GHR: variants seen among roughly 807,000 people sequenced by gnomAD.
GHR encodes the protein GH receptor.
A neutral mutation model predicts 67.1 loss-of-function variants in GHR; 35 were observed. That is an observed-to-expected ratio of 0.52 (90% CI 0.40 to 0.69). The LOEUF (loss-of-function observed/expected upper bound fraction) is 0.69. Among genes scored for constraint, GHR ranks in the 30% least tolerant of loss-of-function variants. GHR has a pLI of 0.00. For synonymous variants in GHR, 272 were observed against 269.1 expected (o/e 1.01, Z -0.10); for missense variants, 792 against 764.6 (o/e 1.04, Z -0.42).
At chr5:42,454,386 T>C (rs906655858) in intron 1 of GHR, among the ~76,000 whole-genome samples, 1 of 152,212 alleles carries the variant, frequency 6.6e-6, no homozygotes, top group Non-Finnish European at 1.5e-5. Flanking sequence ...AGCAATATTA[T>C]TGTCATGAGT....
intron 2 of GHR, among the ~76,000 whole-genome samples, chr5:42,624,179 A>G (rs544403860): frequency 6.6e-6 from 1 of 152,340 alleles, no homozygotes; most frequent in East Asian, 1.9e-4. Context: ...AATGCACGAT[A>G]AAGGCAAAGT....
intron 2 of GHR, among the ~76,000 whole-genome samples, chr5:42,600,734 G>T (rs753924375): frequency 2.0e-5 from 3 of 152,072 alleles, no homozygotes; most frequent in Admixed American, 6.6e-5. Flanking sequence ...AAACTCTTTG[G>T]ACTGATTCAG....
chr5:42,467,932 C>A, intron 1 of GHR: 1 of 727,124 alleles, frequency 1.4e-6, no homozygotes, highest in South Asian at 1.8e-5. Flanking sequence ...GACAGTCATT[C>A]ACTATGACTT....
intron 3 of GHR, chr5:42,647,600 C>T: frequency 2.4e-6 from 1 of 409,500 alleles, no homozygotes; most frequent in Non-Finnish European, 4.8e-6. Flanking sequence ...AGTCAAGGGC[C>T]AAAGTAACAA....
chr5:42,563,624 C>CAAAAAAAAAAAAAAAAAAA (rs1168788232), intron 1 of GHR, among the ~76,000 whole-genome samples: 2 of 45,094 alleles, frequency 4.4e-5, no homozygotes, highest in African/African-American at 1.7e-4. Flanking sequence ...GACTCCGTCT[C>CAAAAAAAAAAAAAAAAAAA]AAAAAAAAAA....
intron 6 of GHR, among the ~76,000 whole-genome samples, chr5:42,708,858 C>A (rs1161985845): frequency 6.6e-6 from 1 of 152,168 alleles, no homozygotes. Context: ...TCTGCTAAAT[C>A]TCGTTAGGTA....
chr5:42,713,023 A>G (rs1218452575), intron 7 of GHR, among the ~76,000 whole-genome samples: 4 of 151,986 alleles, frequency 2.6e-5, no homozygotes, highest in Non-Finnish European at 5.9e-5. Context: ...AAATCACCAC[A>G]CTTAAAAAAA....
chr5:42,431,358 C>T (rs1225309250), intron 1 of GHR, among the ~76,000 whole-genome samples: 1 of 152,024 alleles, frequency 6.6e-6, no homozygotes, highest in African/African-American at 2.4e-5. Flanking sequence ...GTACCAGGTT[C>T]TTCAAAGAAG....
At chr5:42,442,236 G>C (rs1302226509) in intron 1 of GHR, among the ~76,000 whole-genome samples, 1 of 152,162 alleles carries the variant, frequency 6.6e-6, no homozygotes, top group African/African-American at 2.4e-5. Context: ...AATATGAAAG[G>C]GAATAAATGA....
intron 2 of GHR, among the ~76,000 whole-genome samples, chr5:42,586,927 G>GTATCA (rs1255422227): frequency 6.6e-6 from 1 of 152,010 alleles, no homozygotes; most frequent in African/African-American, 2.4e-5. Context: ...AAAGGGAAAG[G>GTATCA]GGATAGAGGG....
chr5:42,667,161 G>A (rs1362343754), intron 3 of GHR, among the ~76,000 whole-genome samples: 1 of 152,174 alleles, frequency 6.6e-6, no homozygotes, highest in Non-Finnish European at 1.5e-5. Context: ...ACAGCCGTGA[G>A]CATGTTTCTG....
chr5:42,654,421 T>G (rs1198576938), intron 3 of GHR, among the ~76,000 whole-genome samples: 2 of 152,158 alleles, frequency 1.3e-5, no homozygotes, highest in Admixed American at 6.6e-5. Flanking sequence ...AGATGAAGAT[T>G]TGTAATCTCT....
chr5:42,600,875 G>A (rs1465489610), intron 2 of GHR, among the ~76,000 whole-genome samples: 1 of 138,060 alleles, frequency 7.2e-6, no homozygotes, highest in African/African-American at 2.7e-5. Flanking sequence ...TTGTCAAACT[G>A]TTACCGTTCT....
At chr5:42,460,221 C>A (rs1744431759) in intron 1 of GHR, among the ~76,000 whole-genome samples, 1 of 152,200 alleles carries the variant, frequency 6.6e-6, no homozygotes, top group Admixed American at 6.5e-5. Flanking sequence ...GACTTCCCGA[C>A]CTCCAGAACT....
chr5:42,599,799 C>T (rs1054604098), intron 2 of GHR, among the ~76,000 whole-genome samples: 1 of 152,158 alleles, frequency 6.6e-6, no homozygotes, highest in Non-Finnish European at 1.5e-5. Flanking sequence ...TAAGGACAAT[C>T]CTGGGCCTGC....
intron 3 of GHR, among the ~76,000 whole-genome samples, chr5:42,667,595 A>G (rs1295583816): frequency 2.0e-5 from 3 of 152,186 alleles, no homozygotes; most frequent in Admixed American, 6.6e-5. Context: ...AAGATCCCCA[A>G]GTGATTACAA....
intron 1 of GHR, among the ~76,000 whole-genome samples, chr5:42,503,783 C>G (rs1746638819): frequency 6.8e-6 from 1 of 146,366 alleles, no homozygotes; most frequent in Non-Finnish European, 1.5e-5. Flanking sequence ...GAATGCCTCT[C>G]TAATTAGATG....
chr5:42,545,976 A>C (rs1748716290), intron 1 of GHR, among the ~76,000 whole-genome samples: 1 of 152,172 alleles, frequency 6.6e-6, no homozygotes, highest in Admixed American at 6.6e-5. Context: ...ACTATTCGTA[A>C]GTTCTAACAG....
chr5:42,443,940 GA>G (rs1017180159), intron 1 of GHR, among the ~76,000 whole-genome samples: 1 of 144,884 alleles, frequency 6.9e-6, no homozygotes, highest in Non-Finnish European at 1.5e-5. Flanking sequence ...CAGCCAAGGT[GA>G]TATAGATATA....
Sources: gnomAD v4.1 joint callset for allele counts (sites outside exome capture counted in the v4.1 genomes callset) on GRCh38, gnomAD v4.1.1 for gene constraint, MANE v1.5 for transcripts, NCBI Gene and HGNC (gene_info 2026-07-23, HGNC 2026-07-21) for gene names.